The following SNAP25 variants were observed in gnomAD, a reference collection of about 807,000 sequenced individuals.
SNAP25 encodes the protein synaptosome associated protein 25, also known as synaptosomal-associated protein 25.
A neutral mutation model predicts 28.7 loss-of-function variants in SNAP25; 3 were observed. The observed-to-expected ratio is 0.10, with a 90% CI of 0.05 to 0.27. The LOEUF is 0.27. Among genes scored for constraint, SNAP25 ranks in the 10% least tolerant of loss-of-function variants. The pLI is 1.00. For missense variants in SNAP25, 117 were observed against 278.7 expected, an observed-to-expected ratio of 0.42 and a Z score of 4.13; for synonymous variants, 61 against 88.1, an observed-to-expected ratio of 0.69 and a Z score of 1.72.
At chr20:10,258,165 A>G (rs1022454685) in intron 1 of SNAP25, among the ~76,000 whole-genome samples, 3 of 152,194 alleles carry the variant, frequency 2.0e-5, no homozygotes, top group Non-Finnish European at 4.4e-5. Context: ...CGTGTCATGG[A>G]AATTTAAATG....
Position 10,293,328 on chromosome 20 carries a change from C to A in SNAP25, c.281+50C>A. ...GCTTTGATTTCCCAAGGCCCATCTC[C>A]AAGCCTTGACAAGCTCATTCCTGCC... On this transcript the variant is annotated intron_variant, in intron 5 of 7. Coordinates refer to ENST00000254976, the MANE Select transcript of SNAP25 (RefSeq NM_130811.4). The surrounding 1 kb of genome is among the most constrained non-coding windows in gnomAD (Gnocchi z 5.6). 7.3e-7 allele frequency: 1 copy of A among 1,364,358 alleles called. No individual in the cohort carries two copies. The highest frequency in any genetic ancestry group is 1.0e-6 in the Non-Finnish European group (1 of 954,010). 84.5% of individuals were successfully genotyped at this position (1,364,358 alleles called of 1,614,324 possible). A position where few individuals can be genotyped will look rare whatever the true frequency, so the allele number is the denominator to read the frequency against.
chr20:10,261,206 C>T (rs1160337440), intron 1 of SNAP25, among the ~76,000 whole-genome samples: 1 of 152,124 alleles, frequency 6.6e-6, no homozygotes, highest in African/African-American at 2.4e-5. Flanking sequence ...TTTCAAAGCC[C>T]TTGACCACAT....
At chr20:10,221,701 A>G (rs572449186) in intron 1 of SNAP25, among the ~76,000 whole-genome samples, 1 of 152,366 alleles carries the variant, frequency 6.6e-6, no homozygotes, top group Non-Finnish European at 1.5e-5. Flanking sequence ...ACATGCACAA[A>G]CACAATGCAA....
intron 1 of SNAP25, among the ~76,000 whole-genome samples, chr20:10,242,246 T>C (rs1309807492): frequency 6.6e-6 from 1 of 152,092 alleles, no homozygotes; most frequent in Non-Finnish European, 1.5e-5. Context: ...CAAGCAAGGA[T>C]GTGGTTGCAG....
rs2122130384 is a variant in SNAP25, at chr20:10,307,341, C to T, written c.*1144C>T. The T allele has an allele frequency of 6.6e-6, 1 of 152,550 alleles. No homozygotes were observed. The highest frequency in any genetic ancestry group is 2.1e-4 in the South Asian group (1 of 4,810). 9.4% of individuals were successfully genotyped at this position (152,550 alleles called of 1,614,324 possible). A position where few individuals can be genotyped will look rare whatever the true frequency, so the allele number is the denominator to read the frequency against. ...CATTATAGCATGTAATATTAAATTC[C>T]TCCTGTCTCCTCTGTCAGTTTGTGA... On this transcript the variant is annotated 3_prime_UTR_variant, in exon 8 of 8. Transcript: ENST00000254976.
chr20:10,292,432 A>T (rs1265243782), intron 4 of SNAP25, among the ~76,000 whole-genome samples: 2 of 152,204 alleles, frequency 1.3e-5, no homozygotes, highest in African/African-American at 4.8e-5. Flanking sequence ...CAAAGAAGAA[A>T]ATGGATTCTA....
At chr20:10,231,236 G>A (rs1215463610) in intron 1 of SNAP25, among the ~76,000 whole-genome samples, 4 of 151,830 alleles carry the variant, frequency 2.6e-5, no homozygotes, top group African/African-American at 9.7e-5. Context: ...TTCTGCCCTG[G>A]ATTAAAATAC....
At chr20:10,277,611 A>T (rs2063712693) in intron 2 of SNAP25, 74 bp from the exon 3 acceptor site, 2 of 1,276,704 alleles carry the variant, frequency 1.6e-6, no homozygotes, top group Non-Finnish European at 2.2e-6. Flanking sequence ...AAGTAAATAA[A>T]GTATTTCTGA....
At chr20:10,249,039 C>G (rs896126296) in intron 1 of SNAP25, among the ~76,000 whole-genome samples, 3 of 152,174 alleles carry the variant, frequency 2.0e-5, no homozygotes, top group African/African-American at 7.2e-5. Flanking sequence ...GGACACACAG[C>G]TTGTCAAGTC....
chr20:10,266,831 C>G (rs1568602082), intron 1 of SNAP25, among the ~76,000 whole-genome samples: 1 of 152,172 alleles, frequency 6.6e-6, no homozygotes. Context: ...GACCTGAACA[C>G]ATCCCTTTCA....
Position 10,306,308 on chromosome 20 carries a change from C to T in SNAP25, c.*111C>T. ...CACACATAACACACATCAGTCCACC[C>T]CCATTGTGAATGTTGTCCTGTGTCA... On this transcript the variant is annotated 3_prime_UTR_variant, in exon 8 of 8. Coordinates refer to ENST00000254976, the MANE Select transcript of SNAP25 (RefSeq NM_130811.4). 1 of 921,670 alleles carries T rather than the reference C, an allele frequency of 1.1e-6. No homozygotes were observed. Among genetic ancestry groups the T allele is most frequent in the Non-Finnish European group, 1.7e-6 (1 of 580,514 alleles). The allele number at this position is 921,670 out of a possible 1,614,324, so 57.1% of individuals were successfully genotyped here.
At chr20:10,257,506 A>G (rs1356649992) in intron 1 of SNAP25, among the ~76,000 whole-genome samples, 1 of 152,100 alleles carries the variant, frequency 6.6e-6, no homozygotes, top group African/African-American at 2.4e-5. Flanking sequence ...TGAGGTTGGG[A>G]GTTCGATACC....
At chr20:10,229,904 A>G (rs140498495) in intron 1 of SNAP25, among the ~76,000 whole-genome samples, 1 of 152,254 alleles carries the variant, frequency 6.6e-6, no homozygotes, top group Non-Finnish European at 1.5e-5. Flanking sequence ...AAAAAAGAAG[A>G]AGAAAAGAAA....
chr20:10,261,449 T>C (rs1272141780), intron 1 of SNAP25, among the ~76,000 whole-genome samples: 2 of 152,166 alleles, frequency 1.3e-5, no homozygotes, highest in Admixed American at 6.5e-5. Flanking sequence ...GTCAGACATA[T>C]GGAAACATAG....
chr20:10,291,302 T>C (rs1411539822), intron 4 of SNAP25, among the ~76,000 whole-genome samples: 1 of 152,086 alleles, frequency 6.6e-6, no homozygotes, highest in Non-Finnish European at 1.5e-5. Flanking sequence ...TCTCAAACTC[T>C]GGACCTCTGG....
chr20:10,223,613 G>T (rs539503689), intron 1 of SNAP25, among the ~76,000 whole-genome samples: 1 of 152,096 alleles, frequency 6.6e-6, no homozygotes, highest in South Asian at 2.1e-4. Flanking sequence ...GTAAGGTGAA[G>T]GAAGGAGATA....
At chr20:10,269,735 T>A (rs2063560075) in intron 1 of SNAP25, among the ~76,000 whole-genome samples, 1 of 152,234 alleles carries the variant, frequency 6.6e-6, no homozygotes, top group African/African-American at 2.4e-5. Context: ...AATGGATGTG[T>A]GTGTGCTCCA....
At chr20:10,260,208 C>T (rs1344122087) in intron 1 of SNAP25, among the ~76,000 whole-genome samples, 2 of 152,200 alleles carry the variant, frequency 1.3e-5, no homozygotes, top group African/African-American at 2.4e-5. Flanking sequence ...AGGTGAAGTT[C>T]GTAGGTCTCC....
chr20:10,302,768 A>G (rs1313761271), intron 7 of SNAP25, among the ~76,000 whole-genome samples: 1 of 151,822 alleles, frequency 6.6e-6, no homozygotes, highest in Non-Finnish European at 1.5e-5. Flanking sequence ...AGACATCTAC[A>G]AGGAGATTCC....
Sources: gnomAD v4.1 joint callset for allele counts (sites outside exome capture counted in the v4.1 genomes callset) on GRCh38, gnomAD v4.1.1 for gene constraint, Gnocchi (gnomAD v3.1) non-coding constraint, MANE v1.5 for transcripts, NCBI Gene and HGNC (gene_info 2026-07-23, HGNC 2026-07-21) for gene names.